Variants in CAGE1 observed in about 807,000 individuals in gnomAD.
CAGE1 encodes the protein cancer antigen 1.
CAGE1 carries 66 observed loss-of-function variants against 94.9 expected under a neutral mutation model. The observed-to-expected ratio is 0.70, with a 90% CI of 0.57 to 0.85. CAGE1 has a LOEUF of 0.85. Ranked by LOEUF, CAGE1 falls within the 40% of genes least tolerant of loss-of-function variation. CAGE1 has a pLI of 0.00. For missense variants in CAGE1, 865 were observed against 950.4 expected, an observed-to-expected ratio of 0.91 and a Z score of 1.18; for synonymous variants, 319 against 321.0, an observed-to-expected ratio of 0.99 and a Z score of 0.07.
rs1184220168 is a variant in CAGE1, at chr6:7,371,588, G to C, written c.1746+1485C>G. On this transcript the variant is annotated intron_variant, in intron 5 of 13. Coordinates refer to ENST00000502583, the MANE Select transcript of CAGE1 (RefSeq NM_001170692.2). The stretch of plus-strand genomic sequence containing the variant: ...ACCTGAGATTGGGAGTTCAAGACCA[G>C]GCTGGCCAACATGGTGAAACACTGT... Among the ~76,000 whole-genome samples, 3 of 152,110 alleles carry C rather than the reference G, an allele frequency of 2.0e-5. No individual in the cohort carries two copies. In the East Asian group the frequency reaches 5.8e-4, roughly 29 times the overall value.
chr6:7,357,960 G>C (rs1465485938), intron 9 of CAGE1, among the ~76,000 whole-genome samples: 1 of 143,140 alleles, frequency 7.0e-6, no homozygotes, highest in Non-Finnish European at 1.5e-5. Context: ...CACCTGGCTA[G>C]TTTTCATAGT....
At chr6:7,333,230 C>T (rs1383324319) in intron 12 of CAGE1, among the ~76,000 whole-genome samples, 1 of 152,186 alleles carries the variant, frequency 6.6e-6, no homozygotes, top group Non-Finnish European at 1.5e-5. Flanking sequence ...GGATTACAGG[C>T]ATGAGCCACC....
chr6:7,389,632 A>C lies in CAGE1; in HGVS notation c.-454T>G, dbSNP rs1581706772. 1 of 354,198 alleles carries C rather than the reference A, an allele frequency of 2.8e-6. No individual in the cohort carries two copies. The highest frequency in any genetic ancestry group is 2.7e-5 in the South Asian group (1 of 36,878). 21.9% of individuals were successfully genotyped at this position (354,198 alleles called of 1,614,324 possible). A position where few individuals can be genotyped will look rare whatever the true frequency, so the allele number is the denominator to read the frequency against. ...CACAAAGTGGGGTACAGAAACGAAA[A>C]CTCCGGGAAGAAACGGCCAGCACGG... On this transcript the variant is annotated 5_prime_UTR_variant, in exon 1 of 14. Transcript: ENST00000502583.
intron 6 of CAGE1, 108 bp downstream of exon 6, chr6:7,369,808 ATTC>A: frequency 9.0e-7 from 1 of 1,109,492 alleles, no homozygotes; most frequent in South Asian, 1.8e-5. Flanking sequence ...TTTATCTTCA[ATTC>A]TTCATTTTCT....
chr6:7,381,536 CTTTT>C (rs35581180), intron 3 of CAGE1, among the ~76,000 whole-genome samples: 1 of 143,050 alleles, frequency 7.0e-6, no homozygotes, highest in East Asian at 2.0e-4. Context: ...TATTACGTGC[CTTTT>C]TTTTTTTTTT....
intron 9 of CAGE1, among the ~76,000 whole-genome samples, chr6:7,356,581 G>C (rs1759961576): frequency 6.6e-6 from 1 of 152,036 alleles, no homozygotes; most frequent in African/African-American, 2.4e-5. Context: ...TTTTTAAAAA[G>C]GTTCAGCTTA....
At chr6:7,344,522 G>A (rs564447080) in intron 11 of CAGE1, among the ~76,000 whole-genome samples, 7 of 152,314 alleles carry the variant, frequency 4.6e-5, no homozygotes, top group African/African-American at 1.4e-4. Flanking sequence ...GCTCCTGTGC[G>A]GCCCAGCCTC....
chr6:7,340,333 C>A (rs193030484), intron 11 of CAGE1, among the ~76,000 whole-genome samples: 2 of 152,046 alleles, frequency 1.3e-5, no homozygotes, highest in Admixed American at 6.6e-5. Context: ...GTCAGATGTA[C>A]GGAGTGTGAA....
At chr6:7,360,083 C>G (rs1263087670) in intron 9 of CAGE1, among the ~76,000 whole-genome samples, 3 of 152,168 alleles carry the variant, frequency 2.0e-5, no homozygotes, top group African/African-American at 7.2e-5. Flanking sequence ...AGTGTCGTAG[C>G]TTTGAATATT....
chr6:7,382,237 C>T (rs1760961343), intron 3 of CAGE1, among the ~76,000 whole-genome samples: 2 of 152,198 alleles, frequency 1.3e-5, no homozygotes, highest in Admixed American at 1.3e-4. Flanking sequence ...ATGCTTTTTA[C>T]TTTATTATAC....
chr6:7,344,188 G>A (rs2182075), intron 11 of CAGE1, among the ~76,000 whole-genome samples: 59,508 of 152,098 alleles, frequency 0.39, 11,850 homozygotes, highest in Admixed American at 0.46. Flanking sequence ...GGCCAGAGCT[G>A]GCTCCCTCAG....
chr6:7,358,656 C>T (rs1252591555), intron 9 of CAGE1, among the ~76,000 whole-genome samples: 8 of 152,058 alleles, frequency 5.3e-5, no homozygotes, highest in African/African-American at 1.7e-4. Context: ...GCTTAGGCAA[C>T]ATAGCAAGAC....
chr6:7,367,917 A>G (rs535522016), intron 7 of CAGE1, among the ~76,000 whole-genome samples: 1 of 152,162 alleles, frequency 6.6e-6, no homozygotes, highest in Admixed American at 6.5e-5. Flanking sequence ...TTATCCTTCA[A>G]TCTGTATACT....
intron 4 of CAGE1, among the ~76,000 whole-genome samples, 166 bp downstream of exon 4, chr6:7,378,451 T>TTATATATATATATATATATATATATA (rs34451165): frequency 3.3e-5 from 5 of 149,676 alleles, no homozygotes; most frequent in African/African-American, 1.2e-4. Context: ...AAGTCTCAGA[T>TTATATATATATATATATATATATATA]TATATATATA....
In CAGE1 at chr6:7,379,038, G is replaced by T. The variant is rs1760850453; in HGVS notation, c.284-18C>A. On this transcript the variant is annotated intron_variant, in intron 3 of 13. Coordinates refer to ENST00000502583, the MANE Select transcript of CAGE1 (RefSeq NM_001170692.2). ...GTTGTTATCTCATAAGAAAGAGAAAGAAGGAAATAAAAACGAGTAGACCAT... is the reference window on the plus strand; with the variant it reads ...GTTGTTATCTCATAAGAAAGAGAAATAAGGAAATAAAAACGAGTAGACCAT... 6.9e-7 allele frequency: 1 copy of T among 1,459,376 alleles called. No individual in the cohort carries two copies. 90.4% of individuals were successfully genotyped at this position (1,459,376 alleles called of 1,614,324 possible).
intron 12 of CAGE1, among the ~76,000 whole-genome samples, chr6:7,333,406 T>C (rs922283889): frequency 4.6e-5 from 7 of 152,102 alleles, no homozygotes; most frequent in African/African-American, 1.7e-4. Flanking sequence ...AGTTTTGTTG[T>C]AGACAAAAAT....
intron 3 of CAGE1, among the ~76,000 whole-genome samples, chr6:7,384,271 G>C (rs902432225): frequency 2.0e-5 from 3 of 152,098 alleles, no homozygotes; most frequent in Non-Finnish European, 4.4e-5. Context: ...TAGACACGGG[G>C]TTTCACCATG....
Position 7,389,476 on chromosome 6 carries a change from G to A in CAGE1, c.-298C>T, listed in dbSNP as rs1024654516. The A allele has an allele frequency of 1.0e-5, 4 of 381,912 alleles. No individual in the cohort carries two copies. Among genetic ancestry groups the A allele is most frequent in the Admixed American group, 6.6e-5 (2 of 30,088 alleles). 23.7% of individuals were successfully genotyped at this position (381,912 alleles called of 1,614,324 possible). A position where few individuals can be genotyped will look rare whatever the true frequency, so the allele number is the denominator to read the frequency against. Reference sequence around the variant, plus strand: ...GCGCCGGGGGAACTCCGCAGAGACAGGTGCAGCCCGCGAGGCCCGAGCGAC... The same window carrying A: ...GCGCCGGGGGAACTCCGCAGAGACAAGTGCAGCCCGCGAGGCCCGAGCGAC... On this transcript the variant is annotated 5_prime_UTR_variant, in exon 1 of 14. Coordinates refer to ENST00000502583, the MANE Select transcript of CAGE1 (RefSeq NM_001170692.2).
chr6:7,389,430 GC>G lies in CAGE1; in HGVS notation c.-253del, dbSNP rs1284146704. The G allele has an allele frequency of 1.2e-5, 5 of 429,710 alleles. No individual in the cohort carries two copies. Among genetic ancestry groups the G allele is most frequent in the Non-Finnish European group, 1.9e-5 (4 of 213,760 alleles). 26.6% of individuals were successfully genotyped at this position (429,710 alleles called of 1,614,324 possible). On this transcript the variant is annotated 5_prime_UTR_variant, in exon 1 of 14. Transcript: ENST00000502583. ...AATCGGGCTCCCGGAGTGCTGGAAC[GC>G]CCCTGTGTGACGTCCGCCCGCGCCG...
Sources: gnomAD v4.1 joint callset for allele counts (sites outside exome capture counted in the v4.1 genomes callset) on GRCh38, gnomAD v4.1.1 for gene constraint, MANE v1.5 for transcripts, NCBI Gene and HGNC (gene_info 2026-07-23, HGNC 2026-07-21) for gene names.